The following MLLT3 variants were observed in gnomAD, a reference collection of about 807,000 sequenced individuals.
MLLT3 encodes protein AF-9.
MLLT3 carries 4 observed loss-of-function variants against 53.2 expected under a neutral mutation model. That is an observed-to-expected ratio of 0.08 (90% CI 0.04 to 0.17). MLLT3 has a LOEUF of 0.17. MLLT3 is among the 10% of genes least tolerant of loss of function. MLLT3 has a pLI of 1.00. For missense variants in MLLT3, 569 were observed against 684.0 expected, an observed-to-expected ratio of 0.83 and a Z score of 1.87; for synonymous variants, 283 against 230.6, an observed-to-expected ratio of 1.23 and a Z score of -2.06.
intron 2 of MLLT3, among the ~76,000 whole-genome samples, chr9:20,544,085 G>A (rs1358775439): frequency 1.3e-5 from 2 of 152,204 alleles, no homozygotes; most frequent in African/African-American, 4.8e-5. Flanking sequence ...CAACAAGGAT[G>A]CCAAGGCTAC....
At chr9:20,496,357 C>G (rs1158679816) in intron 2 of MLLT3, among the ~76,000 whole-genome samples, 1 of 152,104 alleles carries the variant, frequency 6.6e-6, no homozygotes, top group East Asian at 1.9e-4. Context: ...GGGATGCAGT[C>G]TCCCCATTGT....
Position 20,414,190 on chromosome 9 carries a change from T to C in MLLT3, c.656A>G (p.Lys219Arg), listed in dbSNP as rs2118776593. 1 of 1,614,216 alleles carries C rather than the reference T, an allele frequency of 6.2e-7. No individual in the cohort carries two copies. The highest frequency in any genetic ancestry group is 8.5e-7 in the Non-Finnish European group (1 of 1,180,024). ...TTTGTTGTGATCCCTGGAAGGTTCT[T>C]TGAAGGCACTTTTATGTTCTCTGGA... Reference protein sequence around the residue: ...KDSREHKSAFKEPSRDHNKSS... With the variant: ...KDSREHKSAFREPSRDHNKSS... Residue 219 changes from lysine to arginine, a missense_variant, in exon 5 of 11, where the codon AAA becomes AGA. Lys to Arg is a conservative substitution (Grantham distance 26, BLOSUM62 2). Coordinates refer to ENST00000380338, the MANE Select transcript of MLLT3 (RefSeq NM_004529.4).
At chr9:20,544,262 A>T (rs2119016698) in intron 2 of MLLT3, among the ~76,000 whole-genome samples, 1 of 152,336 alleles carries the variant, frequency 6.6e-6, no homozygotes, top group Admixed American at 6.5e-5. Context: ...GGGATTTCTT[A>T]AGCATGACAG....
intron 4 of MLLT3, among the ~76,000 whole-genome samples, chr9:20,417,530 A>C (rs560008290): frequency 1.3e-5 from 2 of 152,042 alleles, no homozygotes; most frequent in East Asian, 3.9e-4. Context: ...CACATGTATA[A>C]TTCAAATTCT....
intron 4 of MLLT3, among the ~76,000 whole-genome samples, chr9:20,444,388 C>T (rs1014131036): frequency 1.3e-5 from 2 of 152,042 alleles, no homozygotes; most frequent in Non-Finnish European, 2.9e-5. Flanking sequence ...TTTGTTCTTG[C>T]CCTCAAAAGT....
intron 8 of MLLT3, 96 bp downstream of exon 8, chr9:20,360,646 T>C (rs1241045934): frequency 5.1e-6 from 5 of 989,756 alleles, no homozygotes; most frequent in African/African-American, 3.2e-5. Context: ...AAGAGGAAGT[T>C]TGTTTAAAAT....
At chr9:20,454,275 G>A (rs1471463482) in intron 3 of MLLT3, among the ~76,000 whole-genome samples, 1 of 152,078 alleles carries the variant, frequency 6.6e-6, no homozygotes, top group African/African-American at 2.4e-5. Flanking sequence ...GCGTGTGTGT[G>A]CGTGCGCGTA....
intron 2 of MLLT3, among the ~76,000 whole-genome samples, chr9:20,504,188 G>A (rs1250214321): frequency 2.0e-5 from 3 of 152,098 alleles, no homozygotes; most frequent in Admixed American, 2.0e-4. Flanking sequence ...TTCCAAAACT[G>A]TGTATACATC....
At chr9:20,565,933 TA>T (rs1819347465) in intron 2 of MLLT3, among the ~76,000 whole-genome samples, 4 of 12,354 alleles carry the variant, frequency 3.2e-4, no homozygotes, top group Non-Finnish European at 4.2e-4. Flanking sequence ...TATATATATA[TA>T]TATTTATATA....
At position 20,413,842 on chromosome 9, in the gene MLLT3, A is replaced by T. The variant is rs1822792920; in HGVS notation, c.1004T>A (p.Met335Lys). The T allele has an allele frequency of 6.2e-7, 1 of 1,613,948 alleles. No individual in the cohort carries two copies. Among genetic ancestry groups the T allele is most frequent in the Admixed American group, 1.7e-5 (1 of 59,932 alleles). ...CTCACTTTCAATTTTGACCTTTCCC[A>T]TCTTGACATGAGATTTATCTTTTAT... Reference protein sequence around the residue: ...KQIKDKSHVKMGKVKIESETS... With the variant: ...KQIKDKSHVKKGKVKIESETS... The change falls in exon 5 of 11, where the codon ATG (methionine) becomes AAG (lysine). Residue 335 changes from methionine to lysine, a missense_variant. Physicochemically the swap from Met to Lys is moderately conservative, Grantham distance 95. Around this residue, in one of 5 missense-constraint regions of MLLT3, gnomAD observed 437 missense variants for 376.5 expected, o/e 1.16. Transcript: ENST00000380338.
At chr9:20,467,573 T>A (rs1824267660) in intron 2 of MLLT3, among the ~76,000 whole-genome samples, 1 of 152,004 alleles carries the variant, frequency 6.6e-6, no homozygotes, top group Non-Finnish European at 1.5e-5. Flanking sequence ...TGGCACTCCA[T>A]CTCAAAAAAT....
chr9:20,484,960 CA>C (rs745833766), intron 2 of MLLT3, among the ~76,000 whole-genome samples: 174 of 151,946 alleles, frequency 1.1e-3, no homozygotes, highest in Non-Finnish European at 2.0e-3. Context: ...TCCCCTATTG[CA>C]AAATCTGTAA....
intron 5 of MLLT3, among the ~76,000 whole-genome samples, chr9:20,377,934 T>C (rs927097002): frequency 1.3e-5 from 2 of 152,116 alleles, no homozygotes; most frequent in African/African-American, 4.8e-5. Flanking sequence ...GCAAGGGTTA[T>C]TTCTCTACAA....
rs1019928148 is a variant in MLLT3 at position 20,620,157 on chromosome 9, G to C, written c.193+497C>G. Among the ~76,000 whole-genome samples the C allele has an allele frequency of 4.6e-5, 7 of 151,756 alleles. No individual in the cohort carries two copies. Among genetic ancestry groups the C allele is most frequent in the African/African-American group, 1.7e-4 (7 of 41,290 alleles). The stretch of plus-strand genomic sequence containing the variant: ...CATACACAGACAGGAAAGCACAGAA[G>C]ACCCTAAAGAGAACCGACTTGCCAA... On this transcript the variant is annotated intron_variant, in intron 2 of 10. Coordinates refer to ENST00000380338, the MANE Select transcript of MLLT3 (RefSeq NM_004529.4). This position sits in a 1 kb window ranked among gnomAD's most constrained non-coding sequence, Gnocchi z 6.1.
At chr9:20,527,651 T>C (rs1272854538) in intron 2 of MLLT3, among the ~76,000 whole-genome samples, 1 of 152,236 alleles carries the variant, frequency 6.6e-6, no homozygotes, top group African/African-American at 2.4e-5. Context: ...CCCACTATGG[T>C]AGCTCCTGGG....
At chr9:20,464,306 G>A (rs1159213277) in intron 2 of MLLT3, among the ~76,000 whole-genome samples, 1 of 151,826 alleles carries the variant, frequency 6.6e-6, no homozygotes, top group African/African-American at 2.4e-5. Context: ...AAATCTTAAG[G>A]CTACAAAGAT....
chr9:20,390,790 T>C (rs918963303), intron 5 of MLLT3, among the ~76,000 whole-genome samples: 7 of 152,222 alleles, frequency 4.6e-5, no homozygotes, highest in Admixed American at 1.3e-4. Context: ...CCTTCTATAA[T>C]AGTAAGACAA....
chr9:20,541,649 C>T (rs1818633533), intron 2 of MLLT3, among the ~76,000 whole-genome samples: 1 of 152,168 alleles, frequency 6.6e-6, no homozygotes. Flanking sequence ...CAGGTCCCTC[C>T]CCTGACATGT....
intron 2 of MLLT3, among the ~76,000 whole-genome samples, chr9:20,582,859 A>G (rs4443746): frequency 0.82 from 124,882 of 152,102 alleles, 51,457 homozygotes; most frequent in Middle Eastern, 0.89. Flanking sequence ...TACAATTCAA[A>G]TTGAGATTTG....
Sources: gnomAD v4.1 joint callset for allele counts (sites outside exome capture counted in the v4.1 genomes callset) on GRCh38, gnomAD v4.1.1 for gene constraint, gnomAD v4.1.1 regional missense constraint, Gnocchi (gnomAD v3.1) non-coding constraint, MANE v1.5 for transcripts, NCBI Gene and HGNC (gene_info 2026-07-23, HGNC 2026-07-21) for gene names.